SLC24A2: variants seen among roughly 807,000 people sequenced by gnomAD.
SLC24A2 encodes sodium/potassium/calcium exchanger 2.
In SLC24A2, 36 loss-of-function variants were observed where a neutral mutation model predicts 62.0. The observed-to-expected ratio is 0.58, with a 90% CI of 0.44 to 0.77. SLC24A2 has a LOEUF of 0.77. Ranked by LOEUF, SLC24A2 falls within the 30% of genes least tolerant of loss-of-function variation. SLC24A2 has a pLI of 0.00. For missense variants in SLC24A2, 846 were observed against 817.9 expected (o/e 1.03, Z -0.42); for synonymous variants, 358 against 294.0 (o/e 1.22, Z -2.23).
chr9:20,145,074 T>C, the SLC24A2 span, among the ~76,000 whole-genome samples: 3 of 152,150 alleles, frequency 2.0e-5, no homozygotes, highest in Non-Finnish European at 4.4e-5. Context: ...GTGCTGTAGT[T>C]AGACCTGAGT....
chr9:19,784,484 C>T (rs918329596), intron 2 of SLC24A2, among the ~76,000 whole-genome samples: 3 of 152,156 alleles, frequency 2.0e-5, no homozygotes, highest in Non-Finnish European at 4.4e-5. Context: ...TATAAGACAT[C>T]GAATCATTTC....
At chr9:19,540,507 T>G (rs1162169985) in intron 8 of SLC24A2, among the ~76,000 whole-genome samples, 1 of 151,440 alleles carries the variant, frequency 6.6e-6, no homozygotes, top group Non-Finnish European at 1.5e-5. Flanking sequence ...TGAAAATTCT[T>G]GTCTTTAAGA....
At chr9:19,902,075 A>G in the SLC24A2 span, among the ~76,000 whole-genome samples, 2 of 152,184 alleles carry the variant, frequency 1.3e-5, no homozygotes, top group Non-Finnish European at 2.9e-5. Flanking sequence ...GCACAGCCTT[A>G]GGCCCTGTTT....
chr9:19,791,646 A>G (rs914003672), upstream of SLC24A2, among the ~76,000 whole-genome samples: 1 of 152,246 alleles, frequency 6.6e-6, no homozygotes, highest in Non-Finnish European at 1.5e-5. Context: ...TGTCCAAATC[A>G]CACTACGTGG....
intron 2 of SLC24A2, among the ~76,000 whole-genome samples, chr9:19,675,675 A>G (rs1819540257): frequency 6.6e-6 from 1 of 152,102 alleles, no homozygotes; most frequent in Non-Finnish European, 1.5e-5. Flanking sequence ...GCTCCTACAC[A>G]ATCCCCAAAA....
At chr9:19,521,977 A>G (rs1439034068) in intron 9 of SLC24A2, among the ~76,000 whole-genome samples, 1 of 151,130 alleles carries the variant, frequency 6.6e-6, no homozygotes, top group Non-Finnish European at 1.5e-5. Context: ...CTCTTGAGCA[A>G]TTTGTTTGTC....
chr9:20,268,845 A>C, the SLC24A2 span, among the ~76,000 whole-genome samples: 1 of 152,208 alleles, frequency 6.6e-6, no homozygotes, highest in African/African-American at 2.4e-5. Context: ...GGCCCAAAAT[A>C]AATGGTATGT....
At chr9:20,056,190 T>C in the SLC24A2 span, among the ~76,000 whole-genome samples, 7 of 152,328 alleles carry the variant, frequency 4.6e-5, no homozygotes, top group Admixed American at 2.0e-4. Flanking sequence ...TATCCATTTT[T>C]CCCAAGAAAC....
chr9:19,870,007 G>T, the SLC24A2 span, among the ~76,000 whole-genome samples: 1 of 152,092 alleles, frequency 6.6e-6, no homozygotes, highest in Non-Finnish European at 1.5e-5. Context: ...TTTAGAAGGA[G>T]ATAATTTTAA....
intron 2 of SLC24A2, among the ~76,000 whole-genome samples, chr9:19,665,397 C>T (rs976030852): frequency 2.8e-4 from 43 of 152,024 alleles, no homozygotes; most frequent in African/African-American, 9.9e-4. Context: ...CTGGGATGCT[C>T]AGGTTTCTGG....
intron 7 of SLC24A2, among the ~76,000 whole-genome samples, chr9:19,551,927 G>T (rs1037666655): frequency 2.0e-5 from 3 of 152,190 alleles, no homozygotes; most frequent in Non-Finnish European, 2.9e-5. Flanking sequence ...ATTGAAAAGG[G>T]TTAGTAACAA....
At chr9:19,765,398 T>C (rs1192006788) in intron 2 of SLC24A2, among the ~76,000 whole-genome samples, 1 of 152,218 alleles carries the variant, frequency 6.6e-6, no homozygotes, top group Admixed American at 6.5e-5. Context: ...GTGCCGATGG[T>C]CTTTACATTT....
At chr9:20,132,067 T>C in the SLC24A2 span, among the ~76,000 whole-genome samples, 1 of 152,126 alleles carries the variant, frequency 6.6e-6, no homozygotes, top group African/African-American at 2.4e-5. Flanking sequence ...GGCTATTTTT[T>C]TCTGATAGTA....
chr9:19,789,835 G>C (rs1168195597), upstream of SLC24A2, among the ~76,000 whole-genome samples: 1 of 152,288 alleles, frequency 6.6e-6, no homozygotes, highest in Middle Eastern at 3.4e-3. Context: ...AACTCGTGAA[G>C]CTCTGAAAGC....
intron 2 of SLC24A2, among the ~76,000 whole-genome samples, chr9:19,703,757 A>G (rs931128589): frequency 1.7e-4 from 26 of 152,194 alleles, no homozygotes; most frequent in African/African-American, 6.0e-4. Context: ...CAGATAGGGG[A>G]AAATGCACAT....
At chr9:20,043,904 T>C in the SLC24A2 span, among the ~76,000 whole-genome samples, 7 of 152,184 alleles carry the variant, frequency 4.6e-5, no homozygotes, top group Non-Finnish European at 8.8e-5. Context: ...TAAAATGCTA[T>C]CAAACAGTAT....
chr9:19,658,922 G>A (rs1021271515), intron 2 of SLC24A2, among the ~76,000 whole-genome samples: 4 of 152,286 alleles, frequency 2.6e-5, no homozygotes, highest in African/African-American at 4.8e-5. Context: ...GAACCTTCAC[G>A]CAACGAACGT....
upstream of SLC24A2, among the ~76,000 whole-genome samples, chr9:19,790,267 A>G (rs1026154843): frequency 7.9e-5 from 12 of 152,332 alleles, no homozygotes; most frequent in African/African-American, 2.6e-4. Flanking sequence ...AATTTCAAAC[A>G]TATACAAATG....
chr9:20,036,073 A>G, the SLC24A2 span, among the ~76,000 whole-genome samples: 1 of 152,216 alleles, frequency 6.6e-6, no homozygotes, highest in African/African-American at 2.4e-5. Flanking sequence ...CTAAGAATTG[A>G]GTGATTCTCT....
Sources: allele counts gnomAD v4.1 joint callset (sites outside exome capture counted in the v4.1 genomes callset), GRCh38; gene constraint gnomAD v4.1.1; transcripts MANE v1.5; gene names NCBI Gene and HGNC (gene_info 2026-07-23, HGNC 2026-07-21).